Variants in SPOCK3 observed in about 807,000 individuals in gnomAD.
SPOCK3 encodes the protein testican-3.
A neutral mutation model predicts 56.6 loss-of-function variants in SPOCK3; 30 were observed. That is an observed-to-expected ratio of 0.53 (90% confidence interval 0.40 to 0.72). The LOEUF is 0.72. SPOCK3 is among the 30% of genes least tolerant of loss of function. The pLI is 0.00. For missense variants in SPOCK3, 527 were observed against 530.0 expected, an observed-to-expected ratio of 0.99 and a Z score of 0.06; for synonymous variants, 196 against 183.3, an observed-to-expected ratio of 1.07 and a Z score of -0.56.
intron 4 of SPOCK3, among the ~76,000 whole-genome samples, chr4:166,979,243 T>C (rs982538334): frequency 6.6e-6 from 1 of 152,134 alleles, no homozygotes; most frequent in Non-Finnish European, 1.5e-5. Flanking sequence ...CACATCCATA[T>C]GCAGGGTGCC....
chr4:166,925,592 C>G (rs1739002704), intron 4 of SPOCK3, among the ~76,000 whole-genome samples: 1 of 151,980 alleles, frequency 6.6e-6, no homozygotes, highest in African/African-American at 2.4e-5. Context: ...CTTATTTTAA[C>G]ACAGTCAAAA....
At chr4:166,921,725 T>C (rs947890917) in intron 4 of SPOCK3, among the ~76,000 whole-genome samples, 1 of 152,168 alleles carries the variant, frequency 6.6e-6, no homozygotes, top group Non-Finnish European at 1.5e-5. Flanking sequence ...TTAAAGACTA[T>C]AAAAAAGCCT....
At chr4:167,140,863 A>T (rs1384150708) in intron 2 of SPOCK3, among the ~76,000 whole-genome samples, 1 of 152,024 alleles carries the variant, frequency 6.6e-6, no homozygotes, top group African/African-American at 2.4e-5. Context: ...TGCTTTAAAG[A>T]GGGTGCTATT....
chr4:167,178,427 A>C (rs1731167577), intron 2 of SPOCK3, among the ~76,000 whole-genome samples: 1 of 152,156 alleles, frequency 6.6e-6, no homozygotes, highest in South Asian at 2.1e-4. Flanking sequence ...GAAAATCACT[A>C]AGGCAATTTA....
intron 3 of SPOCK3, among the ~76,000 whole-genome samples, chr4:167,052,159 C>G (rs893958071): frequency 6.6e-6 from 1 of 152,150 alleles, no homozygotes; most frequent in East Asian, 1.9e-4. Flanking sequence ...ATTTTTGGTG[C>G]TATATTTTAT....
intron 4 of SPOCK3, among the ~76,000 whole-genome samples, chr4:166,943,599 A>T (rs1741368255): frequency 6.6e-6 from 1 of 152,172 alleles, no homozygotes; most frequent in African/African-American, 2.4e-5. Context: ...ATTGGAGGGG[A>T]AAAATGTTTA....
At chr4:167,222,812 T>A (rs1319331787) in intron 2 of SPOCK3, among the ~76,000 whole-genome samples, 4 of 111,550 alleles carry the variant, frequency 3.6e-5, no homozygotes, top group African/African-American at 7.9e-5. Flanking sequence ...TATATGAATA[T>A]ATAAATATAT....
At chr4:166,787,849 T>C (rs1740896437) in intron 7 of SPOCK3, among the ~76,000 whole-genome samples, 2 of 152,188 alleles carry the variant, frequency 1.3e-5, no homozygotes, top group African/African-American at 4.8e-5. Context: ...ACTGATGCAA[T>C]TGTTAGCATT....
chr4:167,189,322 C>G (rs996059483), intron 2 of SPOCK3, among the ~76,000 whole-genome samples: 1 of 145,770 alleles, frequency 6.9e-6, no homozygotes, highest in African/African-American at 2.6e-5. Flanking sequence ...TATACCATAT[C>G]ATATTTAGAA....
At chr4:167,024,044 G>T (rs1440081404) in intron 3 of SPOCK3, among the ~76,000 whole-genome samples, 1 of 151,950 alleles carries the variant, frequency 6.6e-6, no homozygotes, top group African/African-American at 2.4e-5. Flanking sequence ...TATTAACGGT[G>T]AATCTCTCTC....
chr4:166,975,731 T>A (rs1745870008), intron 4 of SPOCK3, among the ~76,000 whole-genome samples: 1 of 152,186 alleles, frequency 6.6e-6, no homozygotes, highest in African/African-American at 2.4e-5. Flanking sequence ...ATTGTTTTAC[T>A]TTTCAGCTCT....
intron 2 of SPOCK3, among the ~76,000 whole-genome samples, chr4:167,208,936 A>T (rs1465527861): frequency 6.6e-6 from 1 of 152,182 alleles, no homozygotes; most frequent in Non-Finnish European, 1.5e-5. Flanking sequence ...CAAAAATTAC[A>T]TATGCTAGTT....
chr4:167,019,019 G>A (rs1750916895), intron 3 of SPOCK3, among the ~76,000 whole-genome samples: 3 of 152,064 alleles, frequency 2.0e-5, no homozygotes, highest in East Asian at 1.9e-4. Context: ...CATTTGAAAC[G>A]ATAAAAAATC....
chr4:167,149,624 G>A (rs1002937485), intron 2 of SPOCK3, among the ~76,000 whole-genome samples: 2 of 151,840 alleles, frequency 1.3e-5, no homozygotes, highest in African/African-American at 4.8e-5. Flanking sequence ...TGTTGATTGG[G>A]CCTATTAGTG....
chr4:166,899,575 C>T (rs1171104090), intron 5 of SPOCK3, among the ~76,000 whole-genome samples: 1 of 142,160 alleles, frequency 7.0e-6, no homozygotes, highest in East Asian at 2.1e-4. Flanking sequence ...GGCATGATCT[C>T]AGCTTACTGC....
At chr4:166,942,833 A>G (rs1211537335) in intron 4 of SPOCK3, among the ~76,000 whole-genome samples, 2 of 152,206 alleles carry the variant, frequency 1.3e-5, no homozygotes, top group African/African-American at 4.8e-5. Context: ...CTATTAAGCA[A>G]TAATTACTAT....
chr4:167,051,508 G>T (rs982338844), intron 3 of SPOCK3, among the ~76,000 whole-genome samples: 5 of 152,180 alleles, frequency 3.3e-5, no homozygotes, highest in African/African-American at 1.2e-4. Context: ...AAGGACATGG[G>T]CAGACAATCA....
intron 5 of SPOCK3, among the ~76,000 whole-genome samples, chr4:166,905,289 T>A (rs1326426251): frequency 1.3e-5 from 2 of 151,960 alleles, no homozygotes; most frequent in Non-Finnish European, 2.9e-5. Flanking sequence ...TAGTTTAGGA[T>A]TTTTTAGATA....
At chr4:167,230,231 A>G (rs1737020973) in intron 2 of SPOCK3, among the ~76,000 whole-genome samples, 1 of 152,034 alleles carries the variant, frequency 6.6e-6, no homozygotes, top group South Asian at 2.1e-4. Flanking sequence ...TTGGTTCCAA[A>G]TTCCATACTC....
Sources: gnomAD v4.1 joint callset for allele counts (sites outside exome capture counted in the v4.1 genomes callset) on GRCh38, gnomAD v4.1.1 for gene constraint, MANE v1.5 for transcripts, NCBI Gene and HGNC (gene_info 2026-07-23, HGNC 2026-07-21) for gene names.